Variants in PDE4D observed in about 807,000 individuals in gnomAD.
PDE4D encodes phosphodiesterase 4D, also known as 3',5'-cyclic-AMP phosphodiesterase 4D.
Under a neutral mutation model 87.4 loss-of-function variants are expected in PDE4D, and 24 were observed. The observed-to-expected ratio is 0.27, with a 90% CI of 0.20 to 0.39. The LOEUF is 0.39. Ranked by LOEUF, PDE4D falls within the 10% of genes least tolerant of loss-of-function variation. The pLI, the probability that PDE4D is intolerant of heterozygous loss-of-function variation, is 1.00. For missense variants in PDE4D, 714 were observed against 1,041.0 expected, an observed-to-expected ratio of 0.69 and a Z score of 4.32; for synonymous variants, 384 against 383.2, an observed-to-expected ratio of 1.00 and a Z score of -0.02.
exon 3 of PDE4D, chr5:59,988,614 G>T (rs975000783): frequency 6.3e-7 from 1 of 1,599,272 alleles, no homozygotes; most frequent in Admixed American, 1.7e-5. Flanking sequence ...GGCGAGAGGG[G>T]GAAGCTGAAT....
At chr5:59,965,569 G>C (rs895269949) in intron 3 of PDE4D, among the ~76,000 whole-genome samples, 16 of 152,132 alleles carry the variant, frequency 1.1e-4, no homozygotes, top group African/African-American at 3.4e-4. Flanking sequence ...CTGTTTCAGA[G>C]AGGGCGCACA....
At chr5:60,281,920 C>T (rs1207683045) in intron 1 of PDE4D, among the ~76,000 whole-genome samples, 1 of 151,734 alleles carries the variant, frequency 6.6e-6, no homozygotes, top group Non-Finnish European at 1.5e-5. Flanking sequence ...GCCTGTAGTC[C>T]CAGCTACCCA....
chr5:60,228,484 G>A (rs905841668), intron 1 of PDE4D, among the ~76,000 whole-genome samples: 2 of 147,712 alleles, frequency 1.4e-5, no homozygotes, highest in African/African-American at 4.8e-5. Context: ...TGATCATGCA[G>A]GAGATGATTA....
At chr5:60,136,342 A>C (rs1780046203) in intron 2 of PDE4D, among the ~76,000 whole-genome samples, 1 of 151,104 alleles carries the variant, frequency 6.6e-6, no homozygotes, top group African/African-American at 2.4e-5. Context: ...TTTGAGATGA[A>C]GTCTTGCTCT....
At chr5:60,308,001 A>T (rs1053273459) in intron 1 of PDE4D, among the ~76,000 whole-genome samples, 5 of 152,200 alleles carry the variant, frequency 3.3e-5, no homozygotes, top group Non-Finnish European at 7.3e-5. Flanking sequence ...AGATAGCACC[A>T]TTGCTCTCCA....
At chr5:59,051,323 G>A (rs1454586392) in intron 5 of PDE4D, among the ~76,000 whole-genome samples, 1 of 152,156 alleles carries the variant, frequency 6.6e-6, no homozygotes, top group Non-Finnish European at 1.5e-5. Context: ...TGGTGCCACT[G>A]CACTCCAGCC....
intron 1 of PDE4D, among the ~76,000 whole-genome samples, chr5:60,229,535 G>A (rs894928358): frequency 1.3e-5 from 2 of 152,096 alleles, no homozygotes; most frequent in African/African-American, 4.8e-5. Context: ...TTTCAGAGAA[G>A]CTAGGAAAAT....
chr5:60,118,004 C>T (rs756399698), intron 2 of PDE4D, among the ~76,000 whole-genome samples: 129 of 152,150 alleles, frequency 8.5e-4, no homozygotes, highest in Non-Finnish European at 1.5e-3. Flanking sequence ...TCTTTATCTT[C>T]ATGTTGTTTG....
At chr5:59,124,467 C>T (rs1775071362) in intron 5 of PDE4D, among the ~76,000 whole-genome samples, 1 of 152,196 alleles carries the variant, frequency 6.6e-6, no homozygotes, top group Non-Finnish European at 1.5e-5. Context: ...TTCTACCTCA[C>T]TGCATTTCGC....
intron 5 of PDE4D, among the ~76,000 whole-genome samples, chr5:59,118,115 T>A (rs1465724178): frequency 6.6e-6 from 1 of 152,194 alleles, no homozygotes; most frequent in South Asian, 2.1e-4. Context: ...TAAAAAGAGA[T>A]CCTTCTACCT....
At chr5:59,467,640 C>T (rs750896535) in intron 1 of PDE4D, among the ~76,000 whole-genome samples, 23 of 152,094 alleles carry the variant, frequency 1.5e-4, no homozygotes, top group Non-Finnish European at 8.8e-5. Context: ...GTTTAAATCT[C>T]GAAATCCACG....
intron 1 of PDE4D, among the ~76,000 whole-genome samples, chr5:60,397,332 C>T (rs1407871990): frequency 6.6e-6 from 1 of 152,164 alleles, no homozygotes; most frequent in African/African-American, 2.4e-5. Flanking sequence ...GAAGAGATAG[C>T]TACACTCCCA....
intron 1 of PDE4D, among the ~76,000 whole-genome samples, chr5:59,629,410 C>A (rs1831291153): frequency 6.6e-6 from 1 of 151,856 alleles, no homozygotes; most frequent in African/African-American, 2.4e-5. Flanking sequence ...GACACAGAGA[C>A]ATGTACAGAG....
intron 1 of PDE4D, among the ~76,000 whole-genome samples, chr5:60,272,112 T>C (rs144214787): frequency 6.6e-6 from 1 of 152,274 alleles, no homozygotes; most frequent in East Asian, 1.9e-4. Flanking sequence ...ACAGTGACAT[T>C]AATTTGTGCT....
chr5:59,720,682 C>T (rs1220710551), intron 1 of PDE4D, among the ~76,000 whole-genome samples: 1 of 152,036 alleles, frequency 6.6e-6, no homozygotes. Flanking sequence ...AGTACAACAA[C>T]ATAGTGGTGT....
chr5:59,911,835 G>A lies in PDE4D; in HGVS notation c.272+76653C>T, dbSNP rs529316263. Reference sequence around the variant, plus strand: ...TTATACTATAATTCATTTTTTAGATGTTTAAAGTAATGTATTATGGTAATG... The same window carrying A: ...TTATACTATAATTCATTTTTTAGATATTTAAAGTAATGTATTATGGTAATG... On this transcript the variant is annotated intron_variant, in intron 3 of 16. Transcript: ENST00000502484. 3.7e-4 allele frequency among the ~76,000 whole-genome samples: 56 copies of A among 152,192 alleles called. No homozygotes were observed. In the South Asian group the frequency reaches 0.011, roughly 30 times the overall value.
At chr5:59,557,075 GAAAT>G (rs1363610085) in intron 1 of PDE4D, among the ~76,000 whole-genome samples, 3 of 152,230 alleles carry the variant, frequency 2.0e-5, no homozygotes, top group Non-Finnish European at 4.4e-5. Context: ...GTAAAATGAT[GAAAT>G]AAATAAACTT....
intron 1 of PDE4D, among the ~76,000 whole-genome samples, chr5:60,220,157 G>A (rs1418490813): frequency 6.6e-6 from 1 of 152,124 alleles, no homozygotes; most frequent in Admixed American, 6.5e-5. Flanking sequence ...GTGGCAGTGG[G>A]GGCGGTTTGC....
At chr5:59,757,556 G>A (rs1453374324) in intron 1 of PDE4D, among the ~76,000 whole-genome samples, 1 of 152,116 alleles carries the variant, frequency 6.6e-6, no homozygotes, top group Non-Finnish European at 1.5e-5. Context: ...ATGGGTCTTG[G>A]TCCTCCTCTA....
Sources: gnomAD v4.1 joint callset for allele counts (sites outside exome capture counted in the v4.1 genomes callset) on GRCh38, gnomAD v4.1.1 for gene constraint, MANE v1.5 for transcripts, NCBI Gene and HGNC (gene_info 2026-07-23, HGNC 2026-07-21) for gene names.